Variants in PDE10A observed in about 807,000 individuals in gnomAD.
The protein encoded by PDE10A is phosphodiesterase 10A.
In PDE10A, 39 loss-of-function variants were observed where a neutral mutation model predicts 97.7. That is an observed-to-expected ratio of 0.40 (90% CI 0.31 to 0.52). The LOEUF is 0.52. PDE10A is among the 20% of genes least tolerant of loss of function. The pLI, the probability that PDE10A is intolerant of heterozygous loss-of-function variation, is 0.56. For missense variants in PDE10A, 731 were observed against 1,047.8 expected, an observed-to-expected ratio of 0.70 and a Z score of 4.17; for synonymous variants, 371 against 376.8, an observed-to-expected ratio of 0.98 and a Z score of 0.18.
intron 1 of PDE10A, among the ~76,000 whole-genome samples, chr6:165,728,750 A>G (rs904861067): frequency 2.0e-5 from 3 of 152,186 alleles, no homozygotes; most frequent in Admixed American, 2.0e-4. Flanking sequence ...GATTATGACC[A>G]TACCCAAAGA....
At chr6:165,853,020 T>G (rs1184855119) in intron 1 of PDE10A, among the ~76,000 whole-genome samples, 1 of 152,270 alleles carries the variant, frequency 6.6e-6, no homozygotes, top group African/African-American at 2.4e-5. Flanking sequence ...GTTTTGTGTT[T>G]GCATGTGTGA....
chr6:165,406,476 T>C (rs1787180386), intron 13 of PDE10A, among the ~76,000 whole-genome samples: 1 of 152,182 alleles, frequency 6.6e-6, no homozygotes, highest in African/African-American at 2.4e-5. Context: ...TGTTAAACTT[T>C]CTGTTAATCG....
At chr6:165,788,173 G>A (rs989656387) in intron 1 of PDE10A, among the ~76,000 whole-genome samples, 9 of 152,134 alleles carry the variant, frequency 5.9e-5, no homozygotes, top group East Asian at 3.8e-4. Context: ...CATATATTAT[G>A]TGTAGAATAA....
intron 1 of PDE10A, among the ~76,000 whole-genome samples, chr6:165,977,430 C>T (rs1163831728): frequency 2.0e-5 from 3 of 152,162 alleles, no homozygotes; most frequent in Non-Finnish European, 4.4e-5. Flanking sequence ...TCTCCTTCAG[C>T]GTCCTCAAAG....
intron 1 of PDE10A, among the ~76,000 whole-genome samples, chr6:165,654,738 C>A (rs990888129): frequency 6.6e-6 from 1 of 152,208 alleles, no homozygotes; most frequent in Non-Finnish European, 1.5e-5. Flanking sequence ...ACACTGGCAT[C>A]AGGTATTATC....
At chr6:165,779,368 T>C (rs911550512) in intron 1 of PDE10A, among the ~76,000 whole-genome samples, 1 of 152,190 alleles carries the variant, frequency 6.6e-6, no homozygotes, top group African/African-American at 2.4e-5. Flanking sequence ...CACTTGCACA[T>C]GTGTGTATAA....
At chr6:165,477,737 T>C (rs917556128) in intron 3 of PDE10A, among the ~76,000 whole-genome samples, 3 of 152,158 alleles carry the variant, frequency 2.0e-5, no homozygotes, top group Non-Finnish European at 2.9e-5. Context: ...ATAAATAATA[T>C]GTTAGATAAC....
At chr6:165,700,199 A>G (rs1378064429) in intron 1 of PDE10A, among the ~76,000 whole-genome samples, 1 of 152,202 alleles carries the variant, frequency 6.6e-6, no homozygotes, top group Non-Finnish European at 1.5e-5. Context: ...AACCAGTCAC[A>G]AGAGACCACA....
intron 1 of PDE10A, among the ~76,000 whole-genome samples, chr6:165,708,481 C>T (rs759587141): frequency 6.6e-6 from 1 of 152,006 alleles, no homozygotes; most frequent in Non-Finnish European, 1.5e-5. Flanking sequence ...CGCTCAGGGA[C>T]TTCTGGACGG....
chr6:165,606,487 A>G (rs867328283), intron 1 of PDE10A, among the ~76,000 whole-genome samples: 1 of 152,180 alleles, frequency 6.6e-6, no homozygotes, highest in Middle Eastern at 3.2e-3. Flanking sequence ...GGAGCGTGGG[A>G]AAGTGAGCGT....
rs75046118 is a variant in PDE10A at position 165,720,725 on chromosome 6, G to T, written c.-614-177157C>A. On this transcript the variant is annotated intron_variant, in intron 1 of 19. Coordinates refer to the PDE10A transcript ENST00000366882. ...GAGAGAAGGCTGGCCAGGCGTTTTA[G>T]GTGTTTCAGTCTGGTATGAACCAAT... Among the ~76,000 whole-genome samples the T allele has an allele frequency of 7.2e-3, 1,092 of 152,296 alleles. 11 individuals carry two copies. Among genetic ancestry groups the T allele is most frequent in the African/African-American group, 0.025 (1,024 of 41,556 alleles).
intron 2 of PDE10A, among the ~76,000 whole-genome samples, chr6:165,494,968 A>G (rs1332574679): frequency 6.6e-6 from 1 of 152,048 alleles, no homozygotes; most frequent in East Asian, 1.9e-4. Context: ...TATGGGAGAT[A>G]AGTATTTCTA....
intron 1 of PDE10A, among the ~76,000 whole-genome samples, chr6:165,826,805 G>GA (rs1268169255): frequency 6.6e-6 from 1 of 151,900 alleles, no homozygotes; most frequent in Non-Finnish European, 1.5e-5. Context: ...GGAGGCTGGG[G>GA]GGCAGGGAGG....
intron 2 of PDE10A, among the ~76,000 whole-genome samples, chr6:165,535,658 G>A (rs1392733873): frequency 6.6e-6 from 1 of 151,504 alleles, no homozygotes; most frequent in African/African-American, 2.4e-5. Context: ...CTGTTGATAA[G>A]CACTTAGATT....
At chr6:165,414,205 C>T (rs511096) in intron 12 of PDE10A, among the ~76,000 whole-genome samples, 49,345 of 151,996 alleles carry the variant, frequency 0.32, 8,271 homozygotes, top group Admixed American at 0.38. Context: ...CACAGCCACA[C>T]CATTCATTCA....
At chr6:165,760,157 T>C (rs922871900) in intron 1 of PDE10A, among the ~76,000 whole-genome samples, 1 of 152,232 alleles carries the variant, frequency 6.6e-6, no homozygotes, top group Non-Finnish European at 1.5e-5. Context: ...AATTATTTCA[T>C]GTTCTCCTCT....
chr6:165,898,876 C>G (rs1188883041), intron 1 of PDE10A, among the ~76,000 whole-genome samples: 1 of 152,208 alleles, frequency 6.6e-6, no homozygotes, highest in East Asian at 1.9e-4. Context: ...GCCTCAGGGT[C>G]TCTGCATTTC....
intron 1 of PDE10A, among the ~76,000 whole-genome samples, chr6:165,710,242 A>G (rs1334371316): frequency 6.6e-6 from 1 of 152,216 alleles, no homozygotes; most frequent in African/African-American, 2.4e-5. Context: ...CTCAAGTAGA[A>G]TATGAACCCC....
chr6:165,932,656 G>C (rs1212832242), intron 1 of PDE10A, among the ~76,000 whole-genome samples: 1 of 151,926 alleles, frequency 6.6e-6, no homozygotes, highest in Non-Finnish European at 1.5e-5. Flanking sequence ...ATTTTTAGTA[G>C]AGACGGTGTT....
Sources: gnomAD v4.1 joint callset for allele counts (sites outside exome capture counted in the v4.1 genomes callset) on GRCh38, gnomAD v4.1.1 for gene constraint, MANE v1.5 for transcripts, NCBI Gene and HGNC (gene_info 2026-07-23, HGNC 2026-07-21) for gene names.